GRM7: variants seen among roughly 807,000 people sequenced by gnomAD.
The protein encoded by GRM7 is glutamate metabotropic receptor 7.
Under a neutral mutation model 84.5 loss-of-function variants are expected in GRM7, and 35 were observed. That is an observed-to-expected ratio of 0.41 (90% CI 0.32 to 0.55). The LOEUF is 0.55. Ranked by LOEUF, GRM7 falls within the 20% of genes least tolerant of loss-of-function variation. The probability of loss-of-function intolerance (pLI) is 0.19; values close to 1 mark genes in which losing one functional copy is unlikely to be tolerated. For synonymous variants in GRM7, 487 were observed against 455.1 expected, an observed-to-expected ratio of 1.07 and a Z score of -0.89; for missense variants, 1,003 against 1,194.6, an observed-to-expected ratio of 0.84 and a Z score of 2.36.
chr3:7,550,018 A>C (rs1693369650), intron 7 of GRM7, among the ~76,000 whole-genome samples: 1 of 152,138 alleles, frequency 6.6e-6, no homozygotes, highest in Non-Finnish European at 1.5e-5. Context: ...AAGTAAATAA[A>C]ATTTGGATTT....
chr3:7,574,234 A>G (rs1694845863), intron 7 of GRM7, among the ~76,000 whole-genome samples: 1 of 147,946 alleles, frequency 6.8e-6, no homozygotes, highest in Non-Finnish European at 1.5e-5. Context: ...ATAATGGCTC[A>G]CTGCAATCTC....
chr3:7,535,402 G>A (rs1701204888), intron 7 of GRM7: 1 of 152,332 alleles, frequency 6.6e-6, no homozygotes, highest in South Asian at 2.1e-4. Flanking sequence ...ATAAACAAAT[G>A]TAATATAGTT....
intron 2 of GRM7, among the ~76,000 whole-genome samples, chr3:7,238,047 C>T (rs1018803102): frequency 1.3e-5 from 2 of 152,188 alleles, no homozygotes; most frequent in Non-Finnish European, 2.9e-5. Flanking sequence ...CTGGCTTCAC[C>T]TCTCAAAAGC....
At chr3:7,400,219 G>A (rs1046293137) in intron 4 of GRM7, among the ~76,000 whole-genome samples, 1 of 152,108 alleles carries the variant, frequency 6.6e-6, no homozygotes, top group African/African-American at 2.4e-5. Flanking sequence ...ATCTAAGCAT[G>A]GACATGGTAG....
intron 9 of GRM7, among the ~76,000 whole-genome samples, chr3:7,711,785 A>C (rs1357245033): frequency 6.6e-6 from 1 of 152,112 alleles, no homozygotes. Context: ...TCCAAAGGGG[A>C]AATGTCTGTG....
At chr3:7,680,407 G>T in intron 9 of GRM7, 112 bp downstream of exon 9, 2 of 1,158,574 alleles carry the variant, frequency 1.7e-6, no homozygotes, top group Non-Finnish European at 2.5e-6. Flanking sequence ...TGTCTTATGG[G>T]CTGGGTTGCC....
At chr3:7,202,338 T>G (rs532945319) in intron 2 of GRM7, among the ~76,000 whole-genome samples, 1 of 152,310 alleles carries the variant, frequency 6.6e-6, no homozygotes, top group South Asian at 2.1e-4. Context: ...GTTTGTTTGT[T>G]TGTTTGTTTT....
At chr3:7,713,297 T>C (rs1026709822) in intron 9 of GRM7, among the ~76,000 whole-genome samples, 4 of 151,854 alleles carry the variant, frequency 2.6e-5, no homozygotes, top group African/African-American at 9.7e-5. Flanking sequence ...CTACCATGCC[T>C]GGCTAATTTT....
intron 7 of GRM7, among the ~76,000 whole-genome samples, chr3:7,572,995 T>G (rs1326221389): frequency 1.3e-5 from 2 of 150,314 alleles, no homozygotes; most frequent in Non-Finnish European, 3.0e-5. Flanking sequence ...TATTGTAATA[T>G]AGTCCCTAAA....
chr3:7,047,700 A>T (rs553062629), intron 1 of GRM7, among the ~76,000 whole-genome samples: 67 of 152,208 alleles, frequency 4.4e-4, no homozygotes, highest in African/African-American at 1.6e-3. Context: ...CTACGCAAAG[A>T]GTTAAATCTC....
chr3:6,865,768 C>A (rs931272558), intron 1 of GRM7, among the ~76,000 whole-genome samples: 1 of 150,918 alleles, frequency 6.6e-6, no homozygotes, highest in Non-Finnish European at 1.5e-5. Flanking sequence ...TTTTTCTTTT[C>A]TCTCTCTCCA....
At chr3:7,118,589 G>T (rs1001363109) in intron 1 of GRM7, among the ~76,000 whole-genome samples, 1 of 147,986 alleles carries the variant, frequency 6.8e-6, no homozygotes, top group South Asian at 2.2e-4. Flanking sequence ...AAAATTGGAG[G>T]CTCGATCTTT....
At chr3:7,138,107 G>T (rs1364389765) in intron 1 of GRM7, among the ~76,000 whole-genome samples, 1 of 151,930 alleles carries the variant, frequency 6.6e-6, no homozygotes, top group Admixed American at 6.6e-5. Flanking sequence ...ATAATGACAT[G>T]CCAGTAAATA....
chr3:7,002,478 C>G (rs1366228685), intron 1 of GRM7, among the ~76,000 whole-genome samples: 2 of 152,096 alleles, frequency 1.3e-5, no homozygotes, highest in Non-Finnish European at 2.9e-5. Flanking sequence ...AACTTAAATA[C>G]ATATTAGAAT....
At chr3:7,011,698 T>G (rs1695373584) in intron 1 of GRM7, among the ~76,000 whole-genome samples, 1 of 152,210 alleles carries the variant, frequency 6.6e-6, no homozygotes, top group South Asian at 2.1e-4. Flanking sequence ...GACTAACAAT[T>G]GAAGGCAAAC....
At chr3:7,440,062 G>T (rs1291588173) in intron 5 of GRM7, among the ~76,000 whole-genome samples, 3 of 152,210 alleles carry the variant, frequency 2.0e-5, no homozygotes, top group Admixed American at 6.5e-5. Context: ...GGAGGGAGCT[G>T]GTTGTTAAAC....
intron 1 of GRM7, among the ~76,000 whole-genome samples, chr3:7,031,308 C>T (rs960492248): frequency 6.6e-6 from 1 of 152,054 alleles, no homozygotes; most frequent in South Asian, 2.1e-4. Flanking sequence ...ATGCATTTCC[C>T]TTGATTTAGT....
chr3:7,290,119 T>G (rs1163869576), intron 2 of GRM7, among the ~76,000 whole-genome samples: 1 of 152,128 alleles, frequency 6.6e-6, no homozygotes, highest in East Asian at 1.9e-4. Context: ...AATATGAAAG[T>G]TGCTTAATAA....
At chr3:7,528,556 C>G (rs1700901913) in intron 7 of GRM7, among the ~76,000 whole-genome samples, 1 of 151,872 alleles carries the variant, frequency 6.6e-6, no homozygotes, top group African/African-American at 2.4e-5. Flanking sequence ...TTTTCTTCTG[C>G]TAGCTTTGTG....
Sources: allele counts gnomAD v4.1 joint callset (sites outside exome capture counted in the v4.1 genomes callset), GRCh38; gene constraint gnomAD v4.1.1; transcripts MANE v1.5; gene names NCBI Gene and HGNC (gene_info 2026-07-23, HGNC 2026-07-21).